Variants in MGAT4C observed in about 807,000 individuals in gnomAD.
MGAT4C encodes alpha-1,3-mannosyl-glycoprotein 4-beta-N-acetylglucosaminyltransferase C.
MGAT4C carries 19 observed loss-of-function variants against 40.1 expected under a neutral mutation model. The ratio of observed to expected loss-of-function variants is 0.47; its 90% CI spans 0.33 to 0.70. The LOEUF (loss-of-function observed/expected upper bound fraction) is 0.70, where lower values mean the gene tolerates loss of function less well. Among genes scored for constraint, MGAT4C ranks in the 30% least tolerant of loss-of-function variants. The pLI, the probability that MGAT4C is intolerant of heterozygous loss-of-function variation, is 0.02. For synonymous variants in MGAT4C, 181 were observed against 187.1 expected (o/e 0.97, Z 0.27); for missense variants, 491 against 563.2 (o/e 0.87, Z 1.30).
At chr12:86,248,641 A>G (rs1047065680) in intron 1 of MGAT4C, among the ~76,000 whole-genome samples, 1 of 151,978 alleles carries the variant, frequency 6.6e-6, no homozygotes, top group Admixed American at 6.6e-5. Flanking sequence ...TTTCTGTCCT[A>G]TTGCCTGTTG....
chr12:86,341,571 A>G (rs1219495718), intron 3 of MGAT4C, among the ~76,000 whole-genome samples: 1 of 152,234 alleles, frequency 6.6e-6, no homozygotes, highest in Non-Finnish European at 1.5e-5. Context: ...GCTTAAAATT[A>G]CAATCAGCTA....
At chr12:86,201,069 G>A (rs1325411012) in intron 1 of MGAT4C, among the ~76,000 whole-genome samples, 1 of 152,146 alleles carries the variant, frequency 6.6e-6, no homozygotes, top group African/African-American at 2.4e-5. Context: ...TACCCACCCT[G>A]TGATATTTTA....
At chr12:86,682,805 G>T (rs1322023038) in intron 2 of MGAT4C, among the ~76,000 whole-genome samples, 1 of 151,952 alleles carries the variant, frequency 6.6e-6, no homozygotes, top group African/African-American at 2.4e-5. Flanking sequence ...GTAACCTCCA[G>T]TTAAAAACTT....
intron 1 of MGAT4C, among the ~76,000 whole-genome samples, chr12:86,074,582 GT>G (rs1301728007): frequency 2.6e-5 from 4 of 152,048 alleles, no homozygotes; most frequent in Admixed American, 1.3e-4. Context: ...ATCACTGGTG[GT>G]TTTTCTTAAT....
intron 1 of MGAT4C, among the ~76,000 whole-genome samples, chr12:86,107,717 G>C (rs1876468700): frequency 6.6e-6 from 1 of 152,012 alleles, no homozygotes; most frequent in African/African-American, 2.4e-5. Flanking sequence ...TACCTTTTCT[G>C]GTTACTGGCA....
At chr12:86,600,032 T>C (rs1273342750) in intron 2 of MGAT4C, among the ~76,000 whole-genome samples, 1 of 152,100 alleles carries the variant, frequency 6.6e-6, no homozygotes, top group Non-Finnish European at 1.5e-5. Context: ...ACAAGTTCCA[T>C]GAAAGTAGCA....
At chr12:86,677,922 G>A (rs1949898569) in intron 2 of MGAT4C, among the ~76,000 whole-genome samples, 2 of 152,058 alleles carry the variant, frequency 1.3e-5, no homozygotes, top group African/African-American at 4.8e-5. Context: ...TCTAAAGATA[G>A]ACATTCTCTA....
chr12:86,303,945 T>C (rs978890710), intron 4 of MGAT4C, among the ~76,000 whole-genome samples: 1 of 150,548 alleles, frequency 6.6e-6, no homozygotes, highest in Admixed American at 6.6e-5. Context: ...AACCTCTATA[T>C]ATCTGTGTCA....
intron 2 of MGAT4C, among the ~76,000 whole-genome samples, chr12:86,456,077 A>C (rs924781582): frequency 6.6e-6 from 1 of 152,144 alleles, no homozygotes; most frequent in Non-Finnish European, 1.5e-5. Flanking sequence ...TATCCTTCCT[A>C]TTCCTCATTC....
chr12:86,740,084 G>A (rs1325265997), intron 1 of MGAT4C, among the ~76,000 whole-genome samples: 1 of 150,920 alleles, frequency 6.6e-6, no homozygotes, highest in African/African-American at 2.4e-5. Flanking sequence ...GATACTTGAA[G>A]CAAAATGTTC....
chr12:86,405,932 A>T (rs1956459562), intron 3 of MGAT4C, among the ~76,000 whole-genome samples: 1 of 2,798 alleles, frequency 3.6e-4, no homozygotes, highest in Admixed American at 3.6e-3. Context: ...TATATTATAC[A>T]TACATTTATA....
At chr12:86,693,049 G>A (rs538212185) in intron 2 of MGAT4C, among the ~76,000 whole-genome samples, 1 of 4,246 alleles carries the variant, frequency 2.4e-4, no homozygotes, top group East Asian at 3.0e-3. Flanking sequence ...TGATTGGATC[G>A]CCATTAGATA....
Position 86,088,205 on chromosome 12 carries a change from C to CA in MGAT4C, c.-56-38483dup, listed in dbSNP as rs1872258078. On this transcript the variant is annotated intron_variant, in intron 1 of 4. Coordinates refer to ENST00000611864, the MANE Select transcript of MGAT4C (RefSeq NM_001351288.2). ...CTGAAACCGGAGCCCTTCCTTATAG[C>CA]ATATACAGAAATCAACTCAAGATGA... 3.9e-5 allele frequency among the ~76,000 whole-genome samples: 6 copies of CA among 152,114 alleles called. 1 individual carries two copies. The Middle Eastern group carries it at 0.014, about 345-fold the overall frequency.
At chr12:86,576,858 G>T (rs1202579313) in intron 2 of MGAT4C, among the ~76,000 whole-genome samples, 1 of 151,634 alleles carries the variant, frequency 6.6e-6, no homozygotes, top group Non-Finnish European at 1.5e-5. Flanking sequence ...TTTCTATAAA[G>T]AATATCATTG....
Position 86,549,678 on chromosome 12 carries a change from A to G in MGAT4C, c.-228-114413T>C, listed in dbSNP as rs577369636. ...CTGAGTAACGTCAGCAAGACGCCTCAGAAGAGATGCTTGATGCTCACCACC... is the reference window on the plus strand; with the variant it reads ...CTGAGTAACGTCAGCAAGACGCCTCGGAAGAGATGCTTGATGCTCACCACC... On this transcript the variant is annotated intron_variant, in intron 2 of 7. Coordinates refer to the MGAT4C transcript ENST00000548651. Among the ~76,000 whole-genome samples the G allele has an allele frequency of 7.7e-4, 118 of 152,328 alleles. 2 individuals are homozygous for G. Among genetic ancestry groups the G allele is most frequent in the African/African-American group, 2.8e-3 (115 of 41,574 alleles).
chr12:86,202,659 T>G (rs528225176), intron 1 of MGAT4C, among the ~76,000 whole-genome samples: 2 of 152,186 alleles, frequency 1.3e-5, no homozygotes, highest in African/African-American at 4.8e-5. Flanking sequence ...TTCCTATATA[T>G]TACTAGATCT....
chr12:86,049,574 G>T, intron 2 of MGAT4C, 100 bp downstream of exon 2: 1 of 453,392 alleles, frequency 2.2e-6, no homozygotes, highest in Non-Finnish European at 2.9e-6. Flanking sequence ...TTAGGCATGT[G>T]TAGCTACTCC....
chr12:86,515,409 T>A (rs541000785), intron 2 of MGAT4C, among the ~76,000 whole-genome samples: 2 of 152,214 alleles, frequency 1.3e-5, no homozygotes, highest in African/African-American at 2.4e-5. Flanking sequence ...AAGCATATAA[T>A]AACTTATAAA....
At chr12:86,242,323 C>T (rs952506235) in intron 1 of MGAT4C, among the ~76,000 whole-genome samples, 1 of 152,160 alleles carries the variant, frequency 6.6e-6, no homozygotes, top group African/African-American at 2.4e-5. Flanking sequence ...CTTCAGCTCA[C>T]TCGCCACGAA....
Sources: allele counts gnomAD v4.1 joint callset (sites outside exome capture counted in the v4.1 genomes callset), GRCh38; gene constraint gnomAD v4.1.1; transcripts MANE v1.5; gene names NCBI Gene and HGNC (gene_info 2026-07-23, HGNC 2026-07-21).